CFAP161: variants seen among roughly 807,000 people sequenced by gnomAD.
The protein encoded by CFAP161 is cilia- and flagella-associated protein 161.
In CFAP161, 25 loss-of-function variants were observed where a neutral mutation model predicts 29.0. That is an observed-to-expected ratio of 0.86 (90% CI 0.63 to 1.20). CFAP161 has a LOEUF of 1.20. CFAP161 is among the 50% of genes most tolerant of loss of function. CFAP161 has a pLI of 0.00. For missense variants in CFAP161, 367 were observed against 371.9 expected (o/e 0.99, Z 0.11); for synonymous variants, 116 against 137.4 (o/e 0.84, Z 1.09).
chr15:81,131,713 T>G (rs532846360), upstream of CFAP161, among the ~76,000 whole-genome samples: 1 of 152,136 alleles, frequency 6.6e-6, no homozygotes, highest in South Asian at 2.1e-4. Flanking sequence ...TGCATCAATA[T>G]ACACATGATG....
chr15:81,115,814 GGACTA>G (rs1894490006), intron 1 of CFAP161, among the ~76,000 whole-genome samples: 1 of 151,422 alleles, frequency 6.6e-6, no homozygotes, highest in Non-Finnish European at 1.5e-5. Context: ...CAAGTAGCTG[GGACTA>G]CAGCAGGTAC....
intron 5 of CFAP161, among the ~76,000 whole-genome samples, chr15:81,144,989 C>A (rs1894982812): frequency 6.6e-6 from 1 of 152,094 alleles, no homozygotes; most frequent in Non-Finnish European, 1.5e-5. Context: ...GTCTTGTGGG[C>A]ACAGAGTAGG....
chr15:81,146,846 A>G (rs1256031247), intron 5 of CFAP161, among the ~76,000 whole-genome samples: 1 of 32,344 alleles, frequency 3.1e-5, no homozygotes, highest in Non-Finnish European at 4.8e-5. Flanking sequence ...ATATATATAT[A>G]TATATATATA....
chr15:81,144,067 G>C (rs867512349), intron 5 of CFAP161, among the ~76,000 whole-genome samples: 1 of 150,986 alleles, frequency 6.6e-6, no homozygotes, highest in Non-Finnish European at 1.5e-5. Context: ...ATGACTTTCT[G>C]TCTCTTTTCC....
intron 1 of CFAP161, among the ~76,000 whole-genome samples, chr15:81,105,186 T>TTC (rs1894354845): frequency 1.2e-5 from 1 of 82,086 alleles, no homozygotes; most frequent in African/African-American, 4.4e-5. Context: ...CCTTCCTTTT[T>TTC]TCCTCCCTCA....
Position 81,143,676 on chromosome 15 carries a change from T to C in CFAP161, c.492T>C (p.Ser164=), listed in dbSNP as rs1212388127. 6.2e-7 allele frequency: 1 copy of C among 1,611,530 alleles called. No homozygotes were observed. The highest frequency in any genetic ancestry group is 1.7e-5 in the Admixed American group (1 of 59,894). Residue 164 remains serine (S), a synonymous_variant, in exon 5 of 7, where the codon AGT becomes AGC. Coordinates refer to ENST00000286732, the MANE Select transcript of CFAP161 (RefSeq NM_173528.4). The part of the protein sequence containing the change: ...GFDNKMLYLS[S]DHRTLLKSSK... ...GTCATTTTCAGTTGTATTTGTCAAG[T>C]GACCACAGGACCCTCCTGAAATCGT...
chr15:81,114,233 TGTTTTCCCA>T (rs1894470056), intron 1 of CFAP161, among the ~76,000 whole-genome samples: 1 of 152,262 alleles, frequency 6.6e-6, no homozygotes, highest in South Asian at 2.1e-4. Context: ...CATAGATTTT[TGTTTTCCCA>T]GTGCATATAA....
chr15:81,105,136 C>CT, intron 1 of CFAP161, among the ~76,000 whole-genome samples: 1 of 19,890 alleles, frequency 5.0e-5, no homozygotes, highest in East Asian at 1.1e-3. Flanking sequence ...TTTCTCCCCC[C>CT]TCCCCTCCCT....
In CFAP161 at chr15:81,135,371, T is replaced by A. The variant is rs1894792077; in HGVS notation, c.159+12T>A. On this transcript the variant is annotated intron_variant, in intron 2 of 6. Transcript: ENST00000286732. ...ATCTCTTGAGACCGGTAACTTTTTT[T>A]TTTTTTATTACACTTTAAGTTTTAG... 1 of 1,564,360 alleles carries A rather than the reference T, an allele frequency of 6.4e-7. No individual in the cohort carries two copies. The highest frequency in any genetic ancestry group is 8.6e-7 in the Non-Finnish European group (1 of 1,159,310).
chr15:81,124,908 A>G (rs1894621414), intron 1 of CFAP161, among the ~76,000 whole-genome samples: 1 of 152,088 alleles, frequency 6.6e-6, no homozygotes, highest in Non-Finnish European at 1.5e-5. Context: ...GTATATTAAT[A>G]GACTCATATA....
intron 2 of CFAP161, chr15:81,127,873 A>C (rs926657974): frequency 1.3e-5 from 2 of 152,252 alleles, no homozygotes; most frequent in African/African-American, 4.8e-5. Context: ...GGGACAGAGC[A>C]TTGCAATGGG....
chr15:81,108,810 AC>A lies in CFAP161; in HGVS notation c.-141-18778del, dbSNP rs1427231934. On this transcript the variant is annotated intron_variant, in intron 1 of 4. Coordinates refer to the CFAP161 transcript ENST00000560091. Reference sequence around the variant, plus strand: ...TCAAGACACTTTTGTAAGCAATGTTACCAGCCATTTAGTCCAGCTGTAAAGA... The same window carrying A: ...TCAAGACACTTTTGTAAGCAATGTTACAGCCATTTAGTCCAGCTGTAAAGA... Among the ~76,000 whole-genome samples, 3 of 152,370 alleles carry A rather than the reference AC, an allele frequency of 2.0e-5. No individual in the cohort carries two copies. The East Asian group carries it at 5.8e-4, about 29-fold the overall frequency.
chr15:81,137,818 G>C (rs966176541), intron 3 of CFAP161, among the ~76,000 whole-genome samples: 7 of 152,208 alleles, frequency 4.6e-5, no homozygotes, highest in Admixed American at 1.3e-4. Context: ...GGCTCACAAA[G>C]TGGGGATGCT....
intron 1 of CFAP161, among the ~76,000 whole-genome samples, chr15:81,124,282 G>T (rs1216960609): frequency 6.6e-6 from 1 of 152,098 alleles, no homozygotes; most frequent in Non-Finnish European, 1.5e-5. Context: ...TGTGGTTTTT[G>T]TCTTTAGTTC....
chr15:81,105,420 CTCT>C (rs1894361013), intron 1 of CFAP161, among the ~76,000 whole-genome samples: 1 of 147,280 alleles, frequency 6.8e-6, no homozygotes, highest in African/African-American at 2.5e-5. Context: ...CTCACTCCTT[CTCT>C]TCTTTCTTTT....
chr15:81,142,602 G>A (rs780224065), intron 4 of CFAP161, among the ~76,000 whole-genome samples: 2 of 152,110 alleles, frequency 1.3e-5, no homozygotes, highest in Non-Finnish European at 2.9e-5. Flanking sequence ...CTGCATGCAG[G>A]TGCTTCCCAT....
At chr15:81,108,293 A>G (rs1235507125) in intron 1 of CFAP161, among the ~76,000 whole-genome samples, 1 of 152,130 alleles carries the variant, frequency 6.6e-6, no homozygotes, top group Non-Finnish European at 1.5e-5. Flanking sequence ...TATATTCAAT[A>G]TGTGAAATGC....
chr15:81,136,468 G>A (rs747981930), intron 2 of CFAP161, 48 bp from the exon 3 acceptor site: 2 of 1,553,628 alleles, frequency 1.3e-6, no homozygotes, highest in African/African-American at 2.7e-5. Context: ...GGCAGTAACT[G>A]TTGAGGAATT....
intron 2 of CFAP161, chr15:81,127,791 C>T (rs146322670): frequency 6.6e-6 from 1 of 152,264 alleles, no homozygotes; most frequent in Non-Finnish European, 1.5e-5. Context: ...TCAGATCCCA[C>T]TTTTGACACC....
Sources: gnomAD v4.1 joint callset for allele counts (sites outside exome capture counted in the v4.1 genomes callset) on GRCh38, gnomAD v4.1.1 for gene constraint, MANE v1.5 for transcripts, NCBI Gene and HGNC (gene_info 2026-07-23, HGNC 2026-07-21) for gene names.